Variants in TBXAS1 observed in about 807,000 individuals in gnomAD.
The protein encoded by TBXAS1 is thromboxane A synthase 1.
In TBXAS1, 48 loss-of-function variants were observed where a neutral mutation model predicts 60.7. The ratio of observed to expected loss-of-function variants is 0.79; its 90% CI spans 0.63 to 1.01. The LOEUF (loss-of-function observed/expected upper bound fraction) is 1.01. Ranked by LOEUF, TBXAS1 falls within the 50% of genes least tolerant of loss-of-function variation. The pLI, the probability that TBXAS1 is intolerant of heterozygous loss-of-function variation, is 0.00. For synonymous variants in TBXAS1, 287 were observed against 269.7 expected (o/e 1.06, Z -0.63); for missense variants, 685 against 686.3 (o/e 1.00, Z 0.02).
intron 4 of TBXAS1, among the ~76,000 whole-genome samples, chr7:139,817,024 C>G (rs1798165600): frequency 6.6e-6 from 1 of 152,160 alleles, no homozygotes; most frequent in Non-Finnish European, 1.5e-5. Context: ...GATTGGGCTT[C>G]CTGGACTCCC....
At chr7:139,988,683 C>G (rs1812678397) in intron 9 of TBXAS1, among the ~76,000 whole-genome samples, 1 of 152,154 alleles carries the variant, frequency 6.6e-6, no homozygotes, top group Non-Finnish European at 1.5e-5. Context: ...ATCAGCCCAG[C>G]TTGCATGGAT....
At chr7:139,991,587 T>C (rs986812651) in intron 9 of TBXAS1, among the ~76,000 whole-genome samples, 28 of 152,132 alleles carry the variant, frequency 1.8e-4, no homozygotes, top group African/African-American at 6.8e-4. Context: ...ATGAAATTCT[T>C]ATTAGAAAGA....
At chr7:139,985,376 G>C (rs1812372775) in intron 9 of TBXAS1, among the ~76,000 whole-genome samples, 1 of 152,188 alleles carries the variant, frequency 6.6e-6, no homozygotes, top group South Asian at 2.1e-4. Context: ...GCGAACCCTG[G>C]TGTGGGCTGA....
At chr7:139,903,048 C>A (rs545045473) in intron 3 of TBXAS1, among the ~76,000 whole-genome samples, 1 of 152,142 alleles carries the variant, frequency 6.6e-6, no homozygotes, top group South Asian at 2.1e-4. Flanking sequence ...ATCACCTGAG[C>A]AGTACACACT....
chr7:139,839,098 A>C (rs1299671541), intron 1 of TBXAS1, among the ~76,000 whole-genome samples: 1 of 152,142 alleles, frequency 6.6e-6, no homozygotes, highest in Non-Finnish European at 1.5e-5. Flanking sequence ...TGTGGGGAGG[A>C]TAAAGATTGC....
At chr7:139,881,718 C>T (rs1224378194) in intron 3 of TBXAS1, among the ~76,000 whole-genome samples, 1 of 151,998 alleles carries the variant, frequency 6.6e-6, no homozygotes, top group Admixed American at 6.6e-5. Flanking sequence ...CCCAGGGAAC[C>T]TTAGGTCCCA....
chr7:139,955,412 GC>G, intron 6 of TBXAS1, 46 bp from the exon 7 acceptor site: 1 of 1,613,240 alleles, frequency 6.2e-7, no homozygotes, highest in Middle Eastern at 1.7e-4. Flanking sequence ...ATTGTGGGTA[GC>G]CCCTGCCAGA....
intron 2 of TBXAS1, among the ~76,000 whole-genome samples, chr7:139,781,574 G>A (rs1796990438): frequency 6.6e-6 from 1 of 152,180 alleles, no homozygotes; most frequent in Non-Finnish European, 1.5e-5. Flanking sequence ...GCTCACGCCT[G>A]TAATCCCAGC....
chr7:139,826,902 A>T (rs1798451025), upstream of TBXAS1, among the ~76,000 whole-genome samples: 2 of 152,048 alleles, frequency 1.3e-5, no homozygotes, highest in Non-Finnish European at 2.9e-5. Flanking sequence ...TTTCCCAACA[A>T]TACCTCACCT....
Position 139,936,050 on chromosome 7 carries a change from C to T in TBXAS1, c.334-141C>T, listed in dbSNP as rs140897017. Reference sequence around the variant, plus strand: ...CTGCCTGTAAGCCTTTATAGTCTTCCTCTCTCTCCTTGCAAGAGAAACCTC... The same window carrying T: ...CTGCCTGTAAGCCTTTATAGTCTTCTTCTCTCTCCTTGCAAGAGAAACCTC... On this transcript the variant is annotated intron_variant, in intron 4 of 12. Coordinates refer to ENST00000448866, the MANE Select transcript of TBXAS1 (RefSeq NM_001061.7). The T allele has an allele frequency of 3.0e-5, 24 of 811,484 alleles. No homozygotes were observed. The African/African-American group carries it at 3.7e-4, about 12-fold the overall frequency. The allele number at this position is 811,484 out of a possible 1,614,324, so 50.3% of individuals were successfully genotyped here.
At chr7:139,962,301 G>T in intron 9 of TBXAS1, 68 bp downstream of exon 9, 1 of 1,577,204 alleles carries the variant, frequency 6.3e-7, no homozygotes, top group Non-Finnish European at 8.7e-7. Context: ...GTTTGTGGGA[G>T]TGAAACTTAT....
rs1386866906 is a variant in TBXAS1, at chr7:139,865,860, G to A, written c.90-6375G>A. On this transcript the variant is annotated intron_variant, in intron 1 of 12. Transcript: ENST00000448866. ...GGAAAGGAAGAAGGAAGGAGGGAGG[G>A]AGGAAGGAAGGAGGGAGGGAGGGAA... 1.3e-3 allele frequency among the ~76,000 whole-genome samples: 138 copies of A among 108,960 alleles called. 3 individuals are homozygous for A. Among genetic ancestry groups the A allele is most frequent in the South Asian group, 3.2e-3 (8 of 2,466 alleles). The allele number at this position is 108,960 out of a possible 152,430, so 71.5% of individuals were successfully genotyped here. A position where few individuals can be genotyped will look rare whatever the true frequency, so the allele number is the denominator to read the frequency against.
chr7:139,903,867 T>C (rs969812272), intron 3 of TBXAS1, among the ~76,000 whole-genome samples: 1 of 151,992 alleles, frequency 6.6e-6, no homozygotes, highest in African/African-American at 2.4e-5. Flanking sequence ...TTGTCAGATA[T>C]ATAGATTGTG....
chr7:139,882,657 GA>G (rs1463155597), intron 3 of TBXAS1, among the ~76,000 whole-genome samples: 1 of 152,204 alleles, frequency 6.6e-6, no homozygotes, highest in Non-Finnish European at 1.5e-5. Flanking sequence ...CAATACCCTT[GA>G]AACAGTGGAA....
chr7:139,898,413 C>CTTTTTTTTTTTTTTTTTT (rs71170921), intron 3 of TBXAS1, among the ~76,000 whole-genome samples: 4 of 82,222 alleles, frequency 4.9e-5, no homozygotes, highest in Admixed American at 1.6e-4. Context: ...ACGTGCATGG[C>CTTTTTTTTTTTTTTTTTT]TTTTTTTTTT....
At chr7:139,799,987 T>C (rs1338121248) in intron 4 of TBXAS1, among the ~76,000 whole-genome samples, 1 of 152,192 alleles carries the variant, frequency 6.6e-6, no homozygotes, top group Non-Finnish European at 1.5e-5. Context: ...AAGCCAGAAA[T>C]GTGTGGATCA....
chr7:139,906,776 T>C (rs893745637), intron 3 of TBXAS1, among the ~76,000 whole-genome samples: 2 of 152,200 alleles, frequency 1.3e-5, no homozygotes, highest in Admixed American at 6.5e-5. Context: ...TCCACTTAGT[T>C]CTTCTTTTAT....
chr7:139,849,965 T>C (rs140747803), intron 1 of TBXAS1, among the ~76,000 whole-genome samples: 11 of 152,362 alleles, frequency 7.2e-5, no homozygotes, highest in Non-Finnish European at 1.2e-4. Context: ...AGAATTGTTT[T>C]AAATATTCTC....
At chr7:139,813,077 AT>A in intron 4 of TBXAS1, among the ~76,000 whole-genome samples, 1 of 364 alleles carries the variant, frequency 2.7e-3, no homozygotes, top group Non-Finnish European at 7.6e-3. Flanking sequence ...AATAAAATAA[AT>A]AAAATAAAAT....
Sources: allele counts gnomAD v4.1 joint callset (sites outside exome capture counted in the v4.1 genomes callset), GRCh38; gene constraint gnomAD v4.1.1; transcripts MANE v1.5; gene names NCBI Gene and HGNC (gene_info 2026-07-23, HGNC 2026-07-21).